Variants in N4BP2L2 observed in about 807,000 individuals in gnomAD.
The protein encoded by N4BP2L2 is NEDD4-binding protein 2-like 2.
N4BP2L2 carries 50 observed loss-of-function variants against 56.2 expected under a neutral mutation model. The ratio of observed to expected loss-of-function variants is 0.89; its 90% CI spans 0.71 to 1.13. The LOEUF (loss-of-function observed/expected upper bound fraction) is 1.13, where lower values mean the gene tolerates loss of function less well. Among genes scored for constraint, N4BP2L2 ranks in the 50% most tolerant of loss-of-function variants. The pLI, the probability that N4BP2L2 is intolerant of heterozygous loss-of-function variation, is 0.00. For synonymous variants in N4BP2L2, 203 were observed against 223.6 expected (o/e 0.91, Z 0.82); for missense variants, 689 against 693.8 (o/e 0.99, Z 0.08).
In N4BP2L2 at chr13:32,444,018, GT is replaced by G; in HGVS notation, c.473del (p.Asn158ThrfsTer3). ...TAAGATCACTTAAGAATTCTAATGA[GT>G]TTTCCTCCATGATTCTATTCTGACT... On this transcript the variant is annotated frameshift_variant, in exon 7 of 10. Coordinates refer to the N4BP2L2 transcript ENST00000357505. LOFTEE classifies it high-confidence loss of function. 1 of 1,608,180 alleles carries G rather than the reference GT, an allele frequency of 6.2e-7. No homozygotes were observed.
At chr13:32,485,212 C>T (rs2085606210) in intron 6 of N4BP2L2, among the ~76,000 whole-genome samples, 1 of 152,250 alleles carries the variant, frequency 6.6e-6, no homozygotes, top group Non-Finnish European at 1.5e-5. Context: ...AAGTCATTTA[C>T]TTTTTACCCA....
chr13:32,519,289 C>G (rs117983127), intron 5 of N4BP2L2, among the ~76,000 whole-genome samples: 2 of 151,354 alleles, frequency 1.3e-5, no homozygotes, highest in Admixed American at 1.3e-4. Context: ...GTGGTGCACA[C>G]TTGTAGTCCC....
At chr13:32,442,487 C>A in exon 7 of N4BP2L2, 1 of 1,613,656 alleles carries the variant, frequency 6.2e-7, no homozygotes, top group Non-Finnish European at 8.5e-7. Flanking sequence ...CTTGTTAAGT[C>A]TTGGCTGTCC....
chr13:32,462,556 G>A lies in N4BP2L2; in HGVS notation c.366-18430C>T, dbSNP rs60822260. On this transcript the variant is annotated intron_variant, in intron 6 of 9. Transcript: ENST00000357505. ...AGTTTCAATGTTTCATAGCAGTGTA[G>A]GGTGACTATATAGTTAAAAACAACG... is the stretch of plus-strand genomic sequence containing the variant. Among the ~76,000 whole-genome samples the A allele has an allele frequency of 3.8e-3, 575 of 152,130 alleles. 3 individuals carry two copies. Among genetic ancestry groups the A allele is most frequent in the African/African-American group, 0.013 (528 of 41,506 alleles).
intron 3 of N4BP2L2, 29 bp downstream of exon 3, chr13:32,527,379 T>C (rs775417948): frequency 2.7e-5 from 43 of 1,605,688 alleles, no homozygotes; most frequent in Admixed American, 7.0e-5. Flanking sequence ...CCAAATATTC[T>C]ATCCTGGGAC....
chr13:32,518,105 G>T, intron 5 of N4BP2L2, 102 bp from the exon 6 acceptor site: 1 of 1,070,072 alleles, frequency 9.3e-7, no homozygotes, highest in South Asian at 1.9e-5. Flanking sequence ...ATAATATTTT[G>T]TAAATAAACA....
chr13:32,450,265 A>G (rs996207018), intron 6 of N4BP2L2, among the ~76,000 whole-genome samples: 11 of 152,210 alleles, frequency 7.2e-5, no homozygotes, highest in Admixed American at 3.3e-4. Context: ...ATGAATAGGT[A>G]GAAAAATTAT....
At chr13:32,537,834 G>C (rs1265729894) in intron 1 of N4BP2L2, among the ~76,000 whole-genome samples, 1 of 152,194 alleles carries the variant, frequency 6.6e-6, no homozygotes, top group Non-Finnish European at 1.5e-5. Flanking sequence ...GCACTTGGGA[G>C]GCTGAGGCGG....
chr13:32,502,267 G>A (rs1344699876), intron 6 of N4BP2L2, among the ~76,000 whole-genome samples: 3 of 151,806 alleles, frequency 2.0e-5, no homozygotes, highest in Non-Finnish European at 4.4e-5. Flanking sequence ...GGTAGAGACG[G>A]GGTTTCACGA....
chr13:32,448,747 A>T (rs1677833530), intron 6 of N4BP2L2, among the ~76,000 whole-genome samples: 1 of 152,190 alleles, frequency 6.6e-6, no homozygotes, highest in Non-Finnish European at 1.5e-5. Flanking sequence ...AGAAAAAAAC[A>T]TTTCCCAATG....
At chr13:32,438,241 A>G (rs2075747848) in intron 8 of N4BP2L2, among the ~76,000 whole-genome samples, 1 of 152,232 alleles carries the variant, frequency 6.6e-6, no homozygotes. Context: ...GTACAATGGA[A>G]TAATATTCAG....
chr13:32,464,921 T>C (rs952330532), intron 6 of N4BP2L2, among the ~76,000 whole-genome samples: 1 of 152,032 alleles, frequency 6.6e-6, no homozygotes, highest in Non-Finnish European at 1.5e-5. Flanking sequence ...ATTAACAAAA[T>C]TGTTAAATCA....
intron 6 of N4BP2L2, among the ~76,000 whole-genome samples, chr13:32,493,047 C>G (rs555800214): frequency 6.6e-6 from 1 of 151,534 alleles, no homozygotes; most frequent in Non-Finnish European, 1.5e-5. Context: ...CTCACCCTCC[C>G]GAGTAGCTGG....
At chr13:32,533,469 C>A (rs1475494045) in intron 2 of N4BP2L2, among the ~76,000 whole-genome samples, 1 of 151,674 alleles carries the variant, frequency 6.6e-6, no homozygotes, top group African/African-American at 2.4e-5. Flanking sequence ...TGAATTCTAT[C>A]CAACTGCCTA....
At chr13:32,509,394 C>T (rs2091430151), downstream of N4BP2L2, 1 of 152,166 alleles carries the variant, frequency 6.6e-6, no homozygotes, top group African/African-American at 2.4e-5. Flanking sequence ...GATAGGGGTA[C>T]TCAACTTTTA....
chr13:32,443,797 T>C, exon 7 of N4BP2L2: 1 of 1,583,266 alleles, frequency 6.3e-7, no homozygotes, highest in Non-Finnish European at 8.6e-7. Context: ...CTTTGGTGTG[T>C]TGTCTAATTC....
chr13:32,496,548 C>A (rs187288277), intron 6 of N4BP2L2, among the ~76,000 whole-genome samples: 1 of 152,144 alleles, frequency 6.6e-6, no homozygotes, highest in Admixed American at 6.5e-5. Flanking sequence ...CCTCCCACTG[C>A]GATGTTGTCA....
chr13:32,500,965 T>A (rs935287700), intron 6 of N4BP2L2, among the ~76,000 whole-genome samples: 1 of 150,824 alleles, frequency 6.6e-6, no homozygotes, highest in African/African-American at 2.4e-5. Context: ...AACTCCTGGG[T>A]GCTAGCGGTT....
rs386363489 is a variant in N4BP2L2 at position 32,532,896 on chromosome 13, T to TTA, written c.1259+2872_1259+2873insTA. On this transcript the variant is annotated intron_variant, in intron 2 of 5. Transcript: ENST00000267068. ...GAGCCACCGGCACCCGGCCTTTTTT[T>TTA]AAAAAAAAAAAAATAGAGACAGGGT... Among the ~76,000 whole-genome samples, 128 of 145,432 alleles carry TTA rather than the reference T, an allele frequency of 8.8e-4. 1 individual carries two copies. Among genetic ancestry groups the TTA allele is most frequent in the African/African-American group, 1.7e-3 (66 of 39,590 alleles).
Sources: gnomAD v4.1 joint callset for allele counts (sites outside exome capture counted in the v4.1 genomes callset) on GRCh38, gnomAD v4.1.1 for gene constraint, MANE v1.5 for transcripts, NCBI Gene and HGNC (gene_info 2026-07-23, HGNC 2026-07-21) for gene names.